Variants in FAT4 observed in about 807,000 individuals in gnomAD.
FAT4 encodes the protein FAT atypical cadherin 4, also known as protocadherin Fat 4.
In FAT4, 84 loss-of-function variants were observed where a neutral mutation model predicts 303.9. The observed-to-expected ratio is 0.28, with a 90% CI of 0.23 to 0.33. The LOEUF is 0.33. Among genes scored for constraint, FAT4 ranks in the 10% least tolerant of loss-of-function variants. The pLI, the probability that FAT4 is intolerant of heterozygous loss-of-function variation, is 1.00. For synonymous variants in FAT4, 2,307 were observed against 2,298.8 expected (o/e 1.00, Z -0.10); for missense variants, 6,005 against 6,146.8 (o/e 0.98, Z 0.77).
At chr4:125,472,605 T>G (rs1726901926) in intron 12 of FAT4, among the ~76,000 whole-genome samples, 1 of 152,208 alleles carries the variant, frequency 6.6e-6, no homozygotes, top group Non-Finnish European at 1.5e-5. Flanking sequence ...ATTTGTCATT[T>G]GATCTCAGGA....
rs748717152 is a variant in FAT4 at position 125,318,556 on chromosome 4, C to T, written c.2145C>T (p.Asp715=). Residue 715 remains aspartate, a synonymous_variant, in exon 2 of 18, where the codon GAC becomes GAT. Transcript: ENST00000394329. ...ACATCACCACTGTGTCTGCCACTGA[C>T]CCAGACTTGGGTACCAATGGTACTG... ...GSYITTVSAT[D]PDLGTNGTVK... is the part of the protein sequence containing the mutation. 1.2e-6 allele frequency: 2 copies of T among 1,614,158 alleles called. No homozygotes were observed. Among genetic ancestry groups the T allele is most frequent in the Non-Finnish European group, 8.5e-7 (1 of 1,180,028 alleles).
intron 3 of FAT4, among the ~76,000 whole-genome samples, chr4:125,404,463 A>G (rs937102334): frequency 2.0e-5 from 3 of 152,284 alleles, no homozygotes; most frequent in East Asian, 1.9e-4. Context: ...TTTGTTCTAT[A>G]TTAAAATTGT....
At chr4:125,392,518 A>G (rs551785671) in intron 2 of FAT4, among the ~76,000 whole-genome samples, 1 of 152,166 alleles carries the variant, frequency 6.6e-6, no homozygotes, top group Non-Finnish European at 1.5e-5. Context: ...TAAGAAAAAG[A>G]AATAGCTTTT....
chr4:125,426,045 A>T (rs1282482827), intron 7 of FAT4, among the ~76,000 whole-genome samples: 2 of 152,114 alleles, frequency 1.3e-5, no homozygotes, highest in African/African-American at 2.4e-5. Flanking sequence ...AGTGATCATC[A>T]TGCTTTATTT....
intron 5 of FAT4, among the ~76,000 whole-genome samples, chr4:125,409,491 G>A (rs1734763847): frequency 6.6e-6 from 1 of 152,126 alleles, no homozygotes; most frequent in South Asian, 2.1e-4. Flanking sequence ...CCTGACCTCA[G>A]ATGACCCGCC....
At chr4:125,329,004 T>G (rs909684717) in intron 2 of FAT4, among the ~76,000 whole-genome samples, 1 of 152,244 alleles carries the variant, frequency 6.6e-6, no homozygotes, top group Non-Finnish European at 1.5e-5. Context: ...GAAATTTTGG[T>G]GATGAACCAG....
At chr4:125,410,565 T>C (rs1236031644) in intron 5 of FAT4, among the ~76,000 whole-genome samples, 2 of 152,166 alleles carry the variant, frequency 1.3e-5, no homozygotes, top group Non-Finnish European at 2.9e-5. Flanking sequence ...TGCTCAACTT[T>C]TCTACAGAGA....
intron 2 of FAT4, among the ~76,000 whole-genome samples, chr4:125,394,639 T>G (rs1734097962): frequency 6.6e-6 from 1 of 152,198 alleles, no homozygotes; most frequent in African/African-American, 2.4e-5. Context: ...TCTAAACTTC[T>G]AATGTTCAAT....
rs142171679 is a variant in FAT4, at chr4:125,449,811, T to A, written c.8801T>A (p.Ile2934Asn). 1.5e-5 allele frequency: 24 copies of A among 1,613,728 alleles called. No individual in the cohort carries two copies. Among genetic ancestry groups the A allele is most frequent in the Non-Finnish European group, 1.9e-5 (23 of 1,179,908 alleles). Residue 2934 changes from isoleucine to asparagine, a missense_variant, in exon 10 of 18, where the codon ATC (isoleucine) becomes AAC (asparagine). Coordinates refer to ENST00000394329, the MANE Select transcript of FAT4 (RefSeq NM_001291303.3). ...ATTGEIFNKQ[I>N]LKYQNVTGFS... ...ACTGGAGAGATTTTCAATAAACAGATCTTAAAATACCAAAATGTCACTGGC... is the reference window on the plus strand; with the variant it reads ...ACTGGAGAGATTTTCAATAAACAGAACTTAAAATACCAAAATGTCACTGGC...
chr4:125,423,194 C>T (rs748816628), intron 7 of FAT4, among the ~76,000 whole-genome samples: 3 of 152,136 alleles, frequency 2.0e-5, no homozygotes, highest in Non-Finnish European at 2.9e-5. Context: ...GCATGAGTAA[C>T]CAAGAGCTGA....
intron 8 of FAT4, among the ~76,000 whole-genome samples, chr4:125,442,325 T>TA (rs1327131461): frequency 6.6e-6 from 1 of 152,164 alleles, no homozygotes; most frequent in Non-Finnish European, 1.5e-5. Flanking sequence ...ACCTTTTTTT[T>TA]ATATCTTTCT....
At chr4:125,483,537 G>A (rs1044275433) in intron 16 of FAT4, among the ~76,000 whole-genome samples, 3 of 152,138 alleles carry the variant, frequency 2.0e-5, no homozygotes, top group Non-Finnish European at 4.4e-5. Context: ...CTGAATGTCA[G>A]GATCCATTTT....
At chr4:125,393,668 A>G (rs1303301908) in intron 2 of FAT4, among the ~76,000 whole-genome samples, 2 of 152,190 alleles carry the variant, frequency 1.3e-5, no homozygotes, top group Non-Finnish European at 2.9e-5. Flanking sequence ...TAAAATATCC[A>G]TTTGACCCTT....
chr4:125,332,321 C>T (rs530417032), intron 2 of FAT4, among the ~76,000 whole-genome samples: 15 of 152,060 alleles, frequency 9.9e-5, no homozygotes, highest in Non-Finnish European at 1.6e-4. Context: ...GGTCAACATG[C>T]CTGACATTAA....
chr4:125,481,784 C>A, intron 16 of FAT4, 46 bp downstream of exon 16: 2 of 1,528,964 alleles, frequency 1.3e-6, no homozygotes, highest in South Asian at 1.1e-5. Context: ...GACCGCCTGC[C>A]GTGTAGTGGT....
At chr4:125,460,521 T>G (rs1355180882) in intron 10 of FAT4, among the ~76,000 whole-genome samples, 1 of 152,078 alleles carries the variant, frequency 6.6e-6, no homozygotes, top group African/African-American at 2.4e-5. Context: ...CACTTATAAG[T>G]GAGAACAGGT....
chr4:125,446,284 C>G lies in FAT4; in HGVS notation c.7200-9C>G. ...TATGACATATCCCTATTTCTGCTTTCTGCTTTAGTTATAGGATCATCGGTG... is the reference window on the plus strand; with the variant it reads ...TATGACATATCCCTATTTCTGCTTTGTGCTTTAGTTATAGGATCATCGGTG... On this transcript the variant is annotated splice_polypyrimidine_tract_variant and intron_variant, in intron 8 of 17. Coordinates refer to ENST00000394329, the MANE Select transcript of FAT4 (RefSeq NM_001291303.3). 6.2e-7 allele frequency: 1 copy of G among 1,607,250 alleles called. No homozygotes were observed. The highest frequency in any genetic ancestry group is 8.5e-7 in the Non-Finnish European group (1 of 1,174,886).
intron 12 of FAT4, among the ~76,000 whole-genome samples, chr4:125,471,331 G>T (rs28673500): frequency 6.6e-6 from 1 of 152,070 alleles, no homozygotes; most frequent in South Asian, 2.1e-4. Flanking sequence ...GAAAAATGGT[G>T]CTGATAGACT....
At position 125,318,431 on chromosome 4, in the gene FAT4, C is replaced by G. The variant is rs747099300; in HGVS notation, c.2020C>G (p.Arg674Gly). The G allele has an allele frequency of 1.2e-6, 2 of 1,614,120 alleles. No individual in the cohort carries two copies. The highest frequency in any genetic ancestry group is 1.7e-6 in the Non-Finnish European group (2 of 1,180,022). Residue 674 changes from arginine (R) to glycine (G), a missense_variant, in exon 2 of 18, where the codon CGC becomes GGC. Transcript: ENST00000394329. ...CTCCCCTCCCCAGTCATCAATGGCT[C>G]GCATAAATGTGAGTCTTCTGGATAT... Reference protein sequence around the residue: ...LGSPPQSSMARINVSLLDIND... With the variant: ...LGSPPQSSMAGINVSLLDIND...
Sources: allele counts gnomAD v4.1 joint callset (sites outside exome capture counted in the v4.1 genomes callset), GRCh38; gene constraint gnomAD v4.1.1; transcripts MANE v1.5; gene names NCBI Gene and HGNC (gene_info 2026-07-23, HGNC 2026-07-21).